Variants in PLCXD2 observed in about 807,000 individuals in gnomAD.
The protein encoded by PLCXD2 is phosphatidylinositol specific phospholipase C X domain containing 2.
A neutral mutation model predicts 28.6 loss-of-function variants in PLCXD2; 21 were observed. The observed-to-expected ratio is 0.73, with a 90% CI of 0.52 to 1.06. The LOEUF is 1.06. Among genes scored for constraint, PLCXD2 ranks in the 50% least tolerant of loss-of-function variants. PLCXD2 has a pLI of 0.00. For synonymous variants in PLCXD2, 140 were observed against 150.1 expected, an observed-to-expected ratio of 0.93 and a Z score of 0.49; for missense variants, 369 against 376.7, an observed-to-expected ratio of 0.98 and a Z score of 0.17.
At chr3:111,696,890 TTATC>T (rs1183658100) in intron 1 of PLCXD2, among the ~76,000 whole-genome samples, 3 of 152,220 alleles carry the variant, frequency 2.0e-5, no homozygotes, top group Admixed American at 6.5e-5. Context: ...AGAATAATTA[TTATC>T]TATTAGAAGT....
At chr3:111,676,329 CCAGA>C (rs772361573) in intron 1 of PLCXD2, among the ~76,000 whole-genome samples, 10 of 152,282 alleles carry the variant, frequency 6.6e-5, no homozygotes, top group Non-Finnish European at 1.3e-4. Flanking sequence ...CCACAGACTA[CCAGA>C]CAAACTCCCA....
In PLCXD2 at chr3:111,702,486, T is replaced by C. The variant is rs146961400; in HGVS notation, c.164-5440T>C. On this transcript the variant is annotated intron_variant, in intron 1 of 4. Coordinates refer to ENST00000477665, the MANE Select transcript of PLCXD2 (RefSeq NM_001185106.1). Reference sequence around the variant, plus strand: ...AGGCATGTAAGGAAAAGTACTTTGTTTTGTTTTAAGACAAAGGGGTACCAC... The same window carrying C: ...AGGCATGTAAGGAAAAGTACTTTGTCTTGTTTTAAGACAAAGGGGTACCAC... Among the ~76,000 whole-genome samples, 158 of 152,302 alleles carry C rather than the reference T, an allele frequency of 1.0e-3. 4 individuals are homozygous for C. In the East Asian group the frequency reaches 0.025, roughly 24 times the overall value.
In PLCXD2 at chr3:111,675,069, G is replaced by T; in HGVS notation, c.-177G>T. 1 of 648,814 alleles carries T rather than the reference G, an allele frequency of 1.5e-6. No homozygotes were observed. The allele number at this position is 648,814 out of a possible 1,614,324, so 40.2% of individuals were successfully genotyped here. On this transcript the variant is annotated 5_prime_UTR_variant, in exon 1 of 5. Coordinates refer to ENST00000477665, the MANE Select transcript of PLCXD2 (RefSeq NM_001185106.1). ...GCGGAGGCTGGGCCGGAGAGAGTGG[G>T]GACTGTGAGTGCTAGTGGGTAAGGA... is the stretch of plus-strand genomic sequence containing the variant.
chr3:111,691,095 C>T (rs573727637), intron 1 of PLCXD2, among the ~76,000 whole-genome samples: 25 of 152,262 alleles, frequency 1.6e-4, no homozygotes, highest in African/African-American at 3.4e-4. Flanking sequence ...AGCAATTTGA[C>T]GAAATTCTCA....
At chr3:111,725,231 G>A (rs1291371704) in intron 3 of PLCXD2, 1 of 167,168 alleles carries the variant, frequency 6.0e-6, no homozygotes, top group East Asian at 1.7e-4. Flanking sequence ...AGAAATGATA[G>A]CATCAAATAT....
rs1941144056 is a variant in PLCXD2, at chr3:111,708,021, G to C, written c.259G>C (p.Val87Leu). The C allele has an allele frequency of 2.5e-6, 4 of 1,614,054 alleles. No individual in the cohort carries two copies. In the African/African-American group the frequency reaches 4.0e-5, roughly 16 times the overall value. ...CAAACGCCTCGCCAGGATCTCCTTG[G>C]TGAAGAAGCTAATGAAGAAGTGGTC... The change falls in exon 2 of 5, where the codon GTG becomes CTG. Residue 87 changes from valine to leucine, a missense_variant. By Grantham distance (32) the Val-to-Leu change is conservative (BLOSUM62 1). Coordinates refer to ENST00000477665, the MANE Select transcript of PLCXD2 (RefSeq NM_001185106.1).
intron 1 of PLCXD2, among the ~76,000 whole-genome samples, chr3:111,676,367 T>C (rs542815101): frequency 4.6e-5 from 7 of 151,924 alleles, no homozygotes; most frequent in African/African-American, 1.7e-4. Flanking sequence ...CCCGTCTGGG[T>C]TTTTTTTGAG....
chr3:111,696,964 T>C (rs1940969986), intron 1 of PLCXD2, among the ~76,000 whole-genome samples: 2 of 152,150 alleles, frequency 1.3e-5, no homozygotes, highest in South Asian at 4.1e-4. Context: ...TTTTTTCCAC[T>C]GAATAAGAGA....
At chr3:111,718,886 T>A (rs1429002159) in intron 3 of PLCXD2, among the ~76,000 whole-genome samples, 1 of 152,228 alleles carries the variant, frequency 6.6e-6, no homozygotes, top group African/African-American at 2.4e-5. Flanking sequence ...GCAGAAATTA[T>A]CACATTGAAT....
chr3:111,687,148 A>G (rs1422184295), intron 1 of PLCXD2, among the ~76,000 whole-genome samples: 2 of 152,220 alleles, frequency 1.3e-5, no homozygotes, highest in African/African-American at 2.4e-5. Flanking sequence ...CCAGAAACTA[A>G]GTTTGGAGAT....
At chr3:111,705,909 G>A (rs1483242503) in intron 1 of PLCXD2, among the ~76,000 whole-genome samples, 1 of 150,982 alleles carries the variant, frequency 6.6e-6, no homozygotes, top group African/African-American at 2.4e-5. Context: ...CTGGAGTGCC[G>A]TGGTACGATG....
intron 1 of PLCXD2, among the ~76,000 whole-genome samples, chr3:111,706,925 A>T (rs930639060): frequency 6.6e-6 from 1 of 152,176 alleles, no homozygotes; most frequent in Admixed American, 6.5e-5. Flanking sequence ...ACACCAGAGC[A>T]CCTAGATTTA....
intron 1 of PLCXD2, among the ~76,000 whole-genome samples, chr3:111,682,551 G>T (rs760028659): frequency 6.6e-6 from 1 of 152,158 alleles, no homozygotes; most frequent in Admixed American, 6.5e-5. Context: ...ACATTTGTGC[G>T]CTATAATGCA....
intron 3 of PLCXD2, chr3:111,725,543 A>G: frequency 2.5e-6 from 1 of 397,998 alleles, no homozygotes; most frequent in Non-Finnish European, 4.4e-6. Flanking sequence ...GGACTCCAAT[A>G]GCACTATAAC....
intron 1 of PLCXD2, among the ~76,000 whole-genome samples, chr3:111,697,244 A>AC (rs1482511884): frequency 1.3e-5 from 2 of 152,224 alleles, no homozygotes; most frequent in African/African-American, 4.8e-5. Flanking sequence ...AGAATGTGTT[A>AC]CATCCATAGT....
intron 1 of PLCXD2, among the ~76,000 whole-genome samples, chr3:111,696,709 C>T (rs1254129896): frequency 6.6e-6 from 1 of 152,124 alleles, no homozygotes; most frequent in Non-Finnish European, 1.5e-5. Context: ...AAAATACATG[C>T]ATATCCAATA....
chr3:111,701,753 G>T (rs1941047187), intron 1 of PLCXD2, among the ~76,000 whole-genome samples: 1 of 152,138 alleles, frequency 6.6e-6, no homozygotes, highest in Admixed American at 6.6e-5. Flanking sequence ...AAAGAGACAG[G>T]TTTGATGTAT....
Position 111,708,177 on chromosome 3 carries a change from G to A in PLCXD2, c.415G>A (p.Val139Ile). The change falls in exon 2 of 5, where the codon GTC becomes ATC. Residue 139 changes from valine to isoleucine, a missense_variant. Val to Ile is a conservative substitution (Grantham distance 29, BLOSUM62 3). Coordinates refer to ENST00000477665, the MANE Select transcript of PLCXD2 (RefSeq NM_001185106.1). The stretch of plus-strand genomic sequence containing the variant: ...CATCCATGGGCTTTTTGGCATCAAG[G>A]TCTGGGATGGGCTGATGGAAATTGA... 1.9e-6 allele frequency: 3 copies of A among 1,614,204 alleles called. No homozygotes were observed. The highest frequency in any genetic ancestry group is 2.5e-6 in the Non-Finnish European group (3 of 1,180,050).
chr3:111,675,541 C>T (rs1940608572), intron 1 of PLCXD2, 133 bp downstream of exon 1: 1 of 1,018,044 alleles, frequency 9.8e-7, no homozygotes, highest in Non-Finnish European at 1.5e-6. Context: ...AAACCAAAAA[C>T]TTAACACTGA....
Sources: gnomAD v4.1 joint callset for allele counts (sites outside exome capture counted in the v4.1 genomes callset) on GRCh38, gnomAD v4.1.1 for gene constraint, MANE v1.5 for transcripts, NCBI Gene and HGNC (gene_info 2026-07-23, HGNC 2026-07-21) for gene names.